The following PTPRT variants were observed in gnomAD, a reference collection of about 807,000 sequenced individuals.
PTPRT encodes the protein protein tyrosine phosphatase receptor type T, also known as receptor-type tyrosine-protein phosphatase T.
In PTPRT, 56 loss-of-function variants were observed where a neutral mutation model predicts 176.8. The ratio of observed to expected loss-of-function variants is 0.32; its 90% CI spans 0.26 to 0.40. The LOEUF is 0.40. Ranked by LOEUF, PTPRT falls within the 10% of genes least tolerant of loss-of-function variation. The probability of loss-of-function intolerance (pLI) is 1.00; values close to 1 mark genes in which losing one functional copy is unlikely to be tolerated. For synonymous variants in PTPRT, 783 were observed against 739.0 expected, an observed-to-expected ratio of 1.06 and a Z score of -0.96; for missense variants, 1,540 against 1,908.2, an observed-to-expected ratio of 0.81 and a Z score of 3.60.
intron 7 of PTPRT, among the ~76,000 whole-genome samples, chr20:42,659,925 C>T (rs74171211): frequency 4.1e-4 from 63 of 152,262 alleles, no homozygotes; most frequent in Middle Eastern, 3.4e-3. Context: ...AGTGAACAGA[C>T]GGCAGGAGTC....
intron 7 of PTPRT, among the ~76,000 whole-genome samples, chr20:42,653,008 A>C (rs2075059506): frequency 6.6e-6 from 1 of 152,174 alleles, no homozygotes; most frequent in Non-Finnish European, 1.5e-5. Flanking sequence ...CAGATAAATA[A>C]GACTAACAGA....
intron 7 of PTPRT, among the ~76,000 whole-genome samples, chr20:42,502,812 T>C (rs1388567714): frequency 6.6e-6 from 1 of 152,122 alleles, no homozygotes; most frequent in Non-Finnish European, 1.5e-5. Context: ...TAGTCTAGGC[T>C]ACATATCTGT....
intron 13 of PTPRT, among the ~76,000 whole-genome samples, chr20:42,274,899 A>G (rs2057003162): frequency 6.6e-6 from 1 of 152,198 alleles, no homozygotes; most frequent in African/African-American, 2.4e-5. Context: ...TTACTAGAAA[A>G]GAGGCATGGG....
intron 15 of PTPRT, among the ~76,000 whole-genome samples, chr20:42,236,005 A>T (rs979732634): frequency 6.6e-6 from 1 of 152,210 alleles, no homozygotes; most frequent in Non-Finnish European, 1.5e-5. Context: ...ATCTCTAAAA[A>T]TAAGAGGAAA....
intron 1 of PTPRT, among the ~76,000 whole-genome samples, chr20:43,092,194 A>G (rs1190778958): frequency 1.3e-5 from 2 of 152,242 alleles, no homozygotes; most frequent in African/African-American, 4.8e-5. Context: ...CCAGGAGTGT[A>G]GCACACAGTG....
chr20:43,160,772 G>A (rs1187405299), intron 1 of PTPRT, among the ~76,000 whole-genome samples: 1 of 152,178 alleles, frequency 6.6e-6, no homozygotes, highest in Non-Finnish European at 1.5e-5. Context: ...GAGGTGAAAT[G>A]AGGGGTAACA....
At chr20:42,675,739 T>G (rs1321590470) in intron 7 of PTPRT, among the ~76,000 whole-genome samples, 1 of 152,246 alleles carries the variant, frequency 6.6e-6, no homozygotes, top group Non-Finnish European at 1.5e-5. Flanking sequence ...ACATCCTGGC[T>G]TTCAGTCCTC....
At chr20:43,104,501 C>CCA (rs2012518860) in intron 1 of PTPRT, among the ~76,000 whole-genome samples, 3 of 152,288 alleles carry the variant, frequency 2.0e-5, no homozygotes, top group South Asian at 4.2e-4. Context: ...TTTAACCCCC[C>CCA]TGAAAAACAG....
chr20:42,104,495 A>T, intron 25 of PTPRT, 74 bp downstream of exon 25: 1 of 1,464,562 alleles, frequency 6.8e-7, no homozygotes, highest in East Asian at 2.3e-5. Context: ...CATTTAAACC[A>T]CCCAATCTAT....
intron 7 of PTPRT, among the ~76,000 whole-genome samples, chr20:42,645,662 C>T (rs2074875550): frequency 6.6e-6 from 1 of 151,784 alleles, no homozygotes; most frequent in Non-Finnish European, 1.5e-5. Flanking sequence ...AAAGATAGAT[C>T]AGGTCACGGA....
In PTPRT at chr20:43,094,877, C is replaced by T. The variant is rs1480416557; in HGVS notation, c.88+94769G>A. 2.0e-5 allele frequency among the ~76,000 whole-genome samples: 3 copies of T among 152,080 alleles called. No homozygotes were observed. The East Asian group carries it at 5.8e-4, about 29-fold the overall frequency. ...CAGACAGGCTGTGGAAAGGGGCTAA[C>T]AGGGGTGTGCACAGAGTATGGAAGA... On this transcript the variant is annotated intron_variant, in intron 1 of 30. Coordinates refer to ENST00000373187, the MANE Select transcript of PTPRT (RefSeq NM_007050.6).
At chr20:42,706,474 C>T (rs112227553) in intron 6 of PTPRT, among the ~76,000 whole-genome samples, 43 of 152,076 alleles carry the variant, frequency 2.8e-4, no homozygotes, top group African/African-American at 9.6e-4. Context: ...AAGTTACTTG[C>T]TGCATTAAAG....
chr20:42,058,894 T>A, the PTPRT span, among the ~76,000 whole-genome samples: 4 of 152,158 alleles, frequency 2.6e-5, no homozygotes, highest in African/African-American at 9.7e-5. Flanking sequence ...AGGATTGACC[T>A]ACTCTTCAGT....
chr20:42,406,467 G>A (rs546032604), intron 9 of PTPRT, among the ~76,000 whole-genome samples: 240 of 152,110 alleles, frequency 1.6e-3, no homozygotes, highest in African/African-American at 5.5e-3. Flanking sequence ...CAACCGAGGA[G>A]AAGAAAATCA....
intron 1 of PTPRT, among the ~76,000 whole-genome samples, chr20:43,140,361 A>AAC (rs146548500): frequency 2.6e-5 from 4 of 151,588 alleles, no homozygotes; most frequent in South Asian, 4.2e-4. Context: ...CCTGCACATG[A>AAC]ACACACACAC....
intron 7 of PTPRT, among the ~76,000 whole-genome samples, chr20:42,598,900 C>T (rs1274351606): frequency 6.6e-6 from 1 of 152,158 alleles, no homozygotes; most frequent in Non-Finnish European, 1.5e-5. Context: ...ACAGGGCCTG[C>T]CACAGAGTAC....
At chr20:43,134,922 C>T (rs1434262623) in intron 1 of PTPRT, among the ~76,000 whole-genome samples, 2 of 152,152 alleles carry the variant, frequency 1.3e-5, no homozygotes, top group East Asian at 1.9e-4. Flanking sequence ...CTATCCAATG[C>T]CTTGTAGGGC....
intron 23 of PTPRT, among the ~76,000 whole-genome samples, chr20:42,107,974 A>C (rs1012028147): frequency 3.3e-5 from 5 of 152,194 alleles, no homozygotes; most frequent in Non-Finnish European, 7.3e-5. Context: ...TTTGCTTCAG[A>C]ACCTACTCCC....
intron 1 of PTPRT, among the ~76,000 whole-genome samples, chr20:43,045,464 T>A (rs1359131948): frequency 6.7e-6 from 1 of 148,804 alleles, no homozygotes; most frequent in East Asian, 1.9e-4. Flanking sequence ...CATTTTTTTT[T>A]TTTTTTTGAG....
Sources: gnomAD v4.1 joint callset for allele counts (sites outside exome capture counted in the v4.1 genomes callset) on GRCh38, gnomAD v4.1.1 for gene constraint, MANE v1.5 for transcripts, NCBI Gene and HGNC (gene_info 2026-07-23, HGNC 2026-07-21) for gene names.